Variants in ELOVL7 observed in about 807,000 individuals in gnomAD.
ELOVL7 encodes very long chain fatty acid elongase 7.
ELOVL7 carries 27 observed loss-of-function variants against 35.7 expected under a neutral mutation model. The ratio of observed to expected loss-of-function variants is 0.76; its 90% CI spans 0.56 to 1.04. ELOVL7 has a LOEUF of 1.04. ELOVL7 is among the 50% of genes least tolerant of loss of function. The probability of loss-of-function intolerance (pLI) is 0.00; values close to 1 mark genes in which losing one functional copy is unlikely to be tolerated. For missense variants in ELOVL7, 327 were observed against 340.8 expected (o/e 0.96, Z 0.32); for synonymous variants, 113 against 114.6 (o/e 0.99, Z 0.09).
intron 1 of ELOVL7, among the ~76,000 whole-genome samples, chr5:60,801,543 A>C (rs1744614203): frequency 6.6e-6 from 1 of 151,952 alleles, no homozygotes; most frequent in Non-Finnish European, 1.5e-5. Context: ...CTCTACAAAA[A>C]AATTAAAAAA....
At chr5:60,836,616 C>T (rs900342356) in intron 1 of ELOVL7, among the ~76,000 whole-genome samples, 1 of 152,068 alleles carries the variant, frequency 6.6e-6, no homozygotes, top group African/African-American at 2.4e-5. Flanking sequence ...CCTGAACAGA[C>T]TTAAAATAAG....
intron 3 of ELOVL7, among the ~76,000 whole-genome samples, chr5:60,775,618 T>A (rs1309526478): frequency 6.6e-6 from 1 of 152,120 alleles, no homozygotes; most frequent in Non-Finnish European, 1.5e-5. Flanking sequence ...ATGGTATTGA[T>A]ATAAAAATAG....
intron 4 of ELOVL7, among the ~76,000 whole-genome samples, chr5:60,770,147 T>G (rs1334270126): frequency 6.6e-6 from 1 of 152,128 alleles, no homozygotes; most frequent in Non-Finnish European, 1.5e-5. Flanking sequence ...AACTCAAGTA[T>G]TAGCAGTAAA....
chr5:60,843,773 G>T (rs1277188224), intron 1 of ELOVL7, among the ~76,000 whole-genome samples: 1 of 152,006 alleles, frequency 6.6e-6, no homozygotes, highest in Non-Finnish European at 1.5e-5. Flanking sequence ...CGCAGGGCCA[G>T]CGCCGCGCGG....
At chr5:60,770,053 G>GA (rs5868255) in intron 4 of ELOVL7, among the ~76,000 whole-genome samples, 26,718 of 126,100 alleles carry the variant, frequency 0.21, 2,685 homozygotes, top group South Asian at 0.33. Flanking sequence ...CCTTTCTGGT[G>GA]AAAAAAAAAA....
At chr5:60,805,668 G>A (rs1033583450) in intron 1 of ELOVL7, among the ~76,000 whole-genome samples, 2 of 152,132 alleles carry the variant, frequency 1.3e-5, no homozygotes, top group Non-Finnish European at 2.9e-5. Flanking sequence ...GCATCCTACT[G>A]GGAAGGATCC....
intron 2 of ELOVL7, among the ~76,000 whole-genome samples, chr5:60,792,554 C>T (rs1744001508): frequency 1.3e-5 from 2 of 152,142 alleles, no homozygotes; most frequent in African/African-American, 4.8e-5. Flanking sequence ...CACTTGATTG[C>T]TAGACAATGG....
chr5:60,835,382 A>G (rs1746734022), intron 1 of ELOVL7, among the ~76,000 whole-genome samples: 1 of 151,660 alleles, frequency 6.6e-6, no homozygotes, highest in South Asian at 2.1e-4. Flanking sequence ...AGCTCAGGAT[A>G]TTTTTCAAGT....
intron 4 of ELOVL7, among the ~76,000 whole-genome samples, chr5:60,769,034 C>T (rs1742417468): frequency 6.6e-6 from 1 of 152,138 alleles, no homozygotes; most frequent in African/African-American, 2.4e-5. Context: ...TAAAATGCAA[C>T]ATTCTTTTCT....
chr5:60,836,135 G>T (rs1168343221), intron 1 of ELOVL7, among the ~76,000 whole-genome samples: 2 of 139,754 alleles, frequency 1.4e-5, no homozygotes, highest in Admixed American at 7.3e-5. Context: ...AATTGCATAT[G>T]TTCAACCATA....
chr5:60,827,168 A>G (rs1746215912), intron 1 of ELOVL7, among the ~76,000 whole-genome samples: 1 of 152,220 alleles, frequency 6.6e-6, no homozygotes, highest in Non-Finnish European at 1.5e-5. Flanking sequence ...AATTGATTTA[A>G]TGCATAATCT....
chr5:60,794,225 C>T (rs1744110158), intron 2 of ELOVL7, among the ~76,000 whole-genome samples: 1 of 152,212 alleles, frequency 6.6e-6, no homozygotes. Context: ...TAATTTGCCT[C>T]TTTAGACCCA....
chr5:60,770,496 A>G (rs1742515034), intron 4 of ELOVL7, among the ~76,000 whole-genome samples: 1 of 152,140 alleles, frequency 6.6e-6, no homozygotes, highest in African/African-American at 2.4e-5. Context: ...TGTTCTTAAC[A>G]CCTTACTACA....
intron 3 of ELOVL7, 57 bp downstream of exon 3, chr5:60,787,277 T>G: frequency 7.2e-7 from 1 of 1,394,690 alleles, no homozygotes; most frequent in Non-Finnish European, 1.0e-6. Context: ...CTATTAAATA[T>G]GAGAATCTGA....
intron 7 of ELOVL7, among the ~76,000 whole-genome samples, chr5:60,758,934 A>G (rs1424339129): frequency 6.6e-6 from 1 of 152,200 alleles, no homozygotes; most frequent in East Asian, 1.9e-4. Context: ...ATGGTAGGAG[A>G]AGAACTGAAT....
intron 1 of ELOVL7, among the ~76,000 whole-genome samples, chr5:60,815,252 T>C (rs1745452040): frequency 6.6e-6 from 1 of 152,220 alleles, no homozygotes; most frequent in South Asian, 2.1e-4. Flanking sequence ...AATGTTTTTG[T>C]TCACTTCCTC....
chr5:60,804,248 T>C (rs1465107043), intron 1 of ELOVL7, among the ~76,000 whole-genome samples: 1 of 152,230 alleles, frequency 6.6e-6, no homozygotes, highest in Non-Finnish European at 1.5e-5. Context: ...TTTACTCTTA[T>C]TGATAATAGA....
intron 2 of ELOVL7, among the ~76,000 whole-genome samples, chr5:60,790,455 C>T (rs951063002): frequency 2.0e-5 from 3 of 151,940 alleles, no homozygotes; most frequent in Admixed American, 2.0e-4. Flanking sequence ...GCAGATACAC[C>T]CAAAATAGAA....
intron 1 of ELOVL7, among the ~76,000 whole-genome samples, chr5:60,819,047 A>G: frequency 0.011 from 1 of 94 alleles, no homozygotes; most frequent in African/African-American, 0.071. Context: ...AGGGGAGGGG[A>G]GGGGAGGGGA....
Sources: allele counts gnomAD v4.1 joint callset (sites outside exome capture counted in the v4.1 genomes callset), GRCh38; gene constraint gnomAD v4.1.1; transcripts MANE v1.5; gene names NCBI Gene and HGNC (gene_info 2026-07-23, HGNC 2026-07-21).